Variants in FAM222B observed in about 807,000 individuals in gnomAD.
FAM222B encodes the protein protein FAM222B.
A neutral mutation model predicts 38.0 loss-of-function variants in FAM222B; 12 were observed. That is an observed-to-expected ratio of 0.32 (90% confidence interval 0.20 to 0.51). The LOEUF is 0.51. FAM222B is among the 20% of genes least tolerant of loss of function. The pLI is 0.97. For missense variants in FAM222B, 716 were observed against 754.2 expected (o/e 0.95, Z 0.59); for synonymous variants, 329 against 317.2 (o/e 1.04, Z -0.40).
intron 1 of FAM222B, among the ~76,000 whole-genome samples, chr17:28,782,758 C>T (rs1242054304): frequency 6.6e-6 from 1 of 152,128 alleles, no homozygotes; most frequent in African/African-American, 2.4e-5. Context: ...ATCCCAGCTA[C>T]TTGGGAGGCT....
At chr17:28,767,734 C>G (rs371307476) in intron 1 of FAM222B, among the ~76,000 whole-genome samples, 81 of 152,244 alleles carry the variant, frequency 5.3e-4, no homozygotes, top group African/African-American at 1.8e-3. Context: ...CCTCAGCTTC[C>G]CAAAGTGCTG....
At chr17:28,782,861 G>C (rs571853825) in intron 1 of FAM222B, among the ~76,000 whole-genome samples, 1 of 152,174 alleles carries the variant, frequency 6.6e-6, no homozygotes, top group East Asian at 1.9e-4. Context: ...AACTCGGCCG[G>C]GCGCGGTGGC....
At position 28,759,558 on chromosome 17, in the gene FAM222B, G is replaced by A. The variant is rs1391122077; in HGVS notation, c.401C>T (p.Ala134Val). ...GCTGGGTGCCACAGTAGCATAGGGT[G>A]CCACTGGGGGGTTCATGATGGCCTC... is the stretch of plus-strand genomic sequence containing the variant. ...LPEAIMNPPV[A>V]PYATVAPSTL... Residue 134 changes from alanine to valine, a missense_variant, in exon 3 of 3, where the codon GCA becomes GTA. Physicochemically the swap from Ala to Val is moderately conservative, Grantham distance 64. Coordinates refer to ENST00000581407, the MANE Select transcript of FAM222B (RefSeq NM_001077498.3). This position sits in a 1 kb window ranked among gnomAD's most constrained non-coding sequence, Gnocchi z 4.8. 1.2e-6 allele frequency: 2 copies of A among 1,608,232 alleles called. No individual in the cohort carries two copies. Among genetic ancestry groups the A allele is most frequent in the Non-Finnish European group, 1.7e-6 (2 of 1,176,754 alleles).
upstream of FAM222B, chr17:28,842,840 C>T (rs2039098960): frequency 6.6e-6 from 1 of 152,482 alleles, no homozygotes; most frequent in Admixed American, 6.5e-5. Flanking sequence ...TGGGCCCTTT[C>T]GGGCCGCACG....
At chr17:28,845,285 C>T (rs940889094), upstream of FAM222B, among the ~76,000 whole-genome samples, 1 of 151,746 alleles carries the variant, frequency 6.6e-6, no homozygotes, top group African/African-American at 2.4e-5. Context: ...CCTGCAGTCC[C>T]AGCTACTTGG....
chr17:28,779,347 T>C (rs1238304677), intron 1 of FAM222B, among the ~76,000 whole-genome samples: 1 of 152,098 alleles, frequency 6.6e-6, no homozygotes, highest in Non-Finnish European at 1.5e-5. Flanking sequence ...TCAAGTGAGA[T>C]TTATCCCAGG....
chr17:28,822,735 G>A (rs574437387), intron 1 of FAM222B, among the ~76,000 whole-genome samples: 65 of 140,266 alleles, frequency 4.6e-4, no homozygotes, highest in Non-Finnish European at 8.0e-4. Context: ...CCCAGGAGGT[G>A]GAGATTGCAC....
intron 2 of FAM222B, among the ~76,000 whole-genome samples, chr17:28,760,305 G>A (rs1251768780): frequency 6.6e-6 from 1 of 152,128 alleles, no homozygotes; most frequent in Non-Finnish European, 1.5e-5. Flanking sequence ...TGGGCACGGT[G>A]GCTCACACTT....
At chr17:28,827,833 A>C (rs2038496790) in intron 1 of FAM222B, among the ~76,000 whole-genome samples, 1 of 152,196 alleles carries the variant, frequency 6.6e-6, no homozygotes, top group South Asian at 2.1e-4. Flanking sequence ...AAAGGGCATA[A>C]GTAGTCTTAC....
chr17:28,763,897 A>AG (rs1429182758), intron 2 of FAM222B, among the ~76,000 whole-genome samples: 1 of 152,170 alleles, frequency 6.6e-6, no homozygotes, highest in Non-Finnish European at 1.5e-5. Context: ...CCCCTCCACT[A>AG]GGGGGCAGAT....
intron 1 of FAM222B, among the ~76,000 whole-genome samples, chr17:28,806,587 C>A (rs898159251): frequency 2.6e-5 from 4 of 152,126 alleles, no homozygotes; most frequent in Admixed American, 2.6e-4. Flanking sequence ...TGGGACGGCA[C>A]CCTGTCTCAA....
intron 1 of FAM222B, among the ~76,000 whole-genome samples, chr17:28,801,703 T>C (rs982072224): frequency 6.6e-6 from 1 of 152,012 alleles, no homozygotes; most frequent in Non-Finnish European, 1.5e-5. Context: ...ACCCAGTAAA[T>C]GGGACTTTTC....
chr17:28,847,964 T>C (rs944271490), intron 1 of FAM222B, among the ~76,000 whole-genome samples: 1 of 149,670 alleles, frequency 6.7e-6, no homozygotes, highest in South Asian at 2.1e-4. Flanking sequence ...AATAGTGTAG[T>C]GAAGATGAAG....
chr17:28,769,807 ACG>A, intron 1 of FAM222B, among the ~76,000 whole-genome samples: 1 of 152,188 alleles, frequency 6.6e-6, no homozygotes, highest in South Asian at 2.1e-4. Context: ...AGTTCCTTCA[ACG>A]AGCCAAACAC....
At chr17:28,765,278 C>T (rs1417412663) in intron 2 of FAM222B, among the ~76,000 whole-genome samples, 1 of 152,182 alleles carries the variant, frequency 6.6e-6, no homozygotes, top group Non-Finnish European at 1.5e-5. Context: ...GGCTGGCAAA[C>T]GACAGCCTGC....
intron 1 of FAM222B, among the ~76,000 whole-genome samples, chr17:28,780,562 G>A (rs2036123918): frequency 6.6e-6 from 1 of 151,936 alleles, no homozygotes; most frequent in Admixed American, 6.6e-5. Flanking sequence ...TCAAAGAGGT[G>A]AAAGACCCAT....
At chr17:28,800,868 A>C (rs907290777) in intron 1 of FAM222B, among the ~76,000 whole-genome samples, 1 of 151,462 alleles carries the variant, frequency 6.6e-6, no homozygotes, top group Non-Finnish European at 1.5e-5. Context: ...AAAAAAAAAA[A>C]AAAAAAGTTG....
chr17:28,847,069 C>CAA (rs2152636349), upstream of FAM222B, among the ~76,000 whole-genome samples: 1 of 150,584 alleles, frequency 6.6e-6, no homozygotes, highest in Non-Finnish European at 1.5e-5. Context: ...ACTAAAAATA[C>CAA]CAAATTAGCC....
chr17:28,774,922 A>T (rs1326949324), intron 1 of FAM222B, among the ~76,000 whole-genome samples: 1 of 151,932 alleles, frequency 6.6e-6, no homozygotes, highest in African/African-American at 2.4e-5. Context: ...AGCCAGGGTC[A>T]CAGGGCGAGA....
Sources: gnomAD v4.1 joint callset for allele counts (sites outside exome capture counted in the v4.1 genomes callset) on GRCh38, gnomAD v4.1.1 for gene constraint, Gnocchi (gnomAD v3.1) non-coding constraint, MANE v1.5 for transcripts, NCBI Gene and HGNC (gene_info 2026-07-23, HGNC 2026-07-21) for gene names.